Variants in MND1 observed in about 807,000 individuals in gnomAD.
MND1 encodes meiotic nuclear division protein 1 homolog.
Under a neutral mutation model 35.1 loss-of-function variants are expected in MND1, and 28 were observed. The ratio of observed to expected loss-of-function variants is 0.80; its 90% confidence interval spans 0.59 to 1.09. The LOEUF (loss-of-function observed/expected upper bound fraction) is 1.09. Ranked by LOEUF, MND1 falls within the 50% of genes least tolerant of loss-of-function variation. The pLI, the probability that MND1 is intolerant of heterozygous loss-of-function variation, is 0.00. For missense variants in MND1, 213 were observed against 239.6 expected, an observed-to-expected ratio of 0.89 and a Z score of 0.73; for synonymous variants, 69 against 70.5, an observed-to-expected ratio of 0.98 and a Z score of 0.11.
Position 153,358,621 on chromosome 4 carries a change from A to G in MND1, c.275A>G (p.Gln92Arg), listed in dbSNP as rs1442950829. The change falls in exon 4 of 8, where the codon CAG becomes CGG. Residue 92 changes from glutamine to arginine, a missense_variant and splice_region_variant. By Grantham distance (43) the Gln-to-Arg change is conservative (BLOSUM62 1). Coordinates refer to ENST00000240488, the MANE Select transcript of MND1 (RefSeq NM_032117.4). Reference sequence around the variant, plus strand: ...CATAAGTTGGAGGTTCTGGAATCTCAGGTAAGCTGCCACAGTTAAAAAGAA... The same window carrying G: ...CATAAGTTGGAGGTTCTGGAATCTCGGGTAAGCTGCCACAGTTAAAAAGAA... The part of the protein sequence containing the change: ...RKHKLEVLES[Q>R]LSEGSQKHAS... The G allele has an allele frequency of 6.2e-7, 1 of 1,611,520 alleles. No individual in the cohort carries two copies.
At chr4:153,353,443 A>G (rs1466572302) in intron 2 of MND1, among the ~76,000 whole-genome samples, 2 of 127,126 alleles carry the variant, frequency 1.6e-5, no homozygotes, top group Non-Finnish European at 3.3e-5. Context: ...ATATATATAT[A>G]TATATTCATC....
intron 6 of MND1, among the ~76,000 whole-genome samples, chr4:153,402,975 G>A (rs551451562): frequency 1.3e-5 from 2 of 152,124 alleles, no homozygotes; most frequent in African/African-American, 4.8e-5. Flanking sequence ...CTCCATCTAT[G>A]TAAAAAATTT....
At chr4:153,391,652 G>A (rs1343543495) in intron 4 of MND1, among the ~76,000 whole-genome samples, 3 of 151,508 alleles carry the variant, frequency 2.0e-5, no homozygotes, top group Non-Finnish European at 4.4e-5. Context: ...GCTCGAACCT[G>A]GGAGGCGGAG....
rs556825189 is a variant in MND1, at chr4:153,389,792, T to A, written c.277-4470T>A. Reference sequence around the variant, plus strand: ...GTATTTAGCAATAATTCATCTTTGCTTGTGAGCTAGATAATATTTTTCTGT... The same window carrying A: ...GTATTTAGCAATAATTCATCTTTGCATGTGAGCTAGATAATATTTTTCTGT... On this transcript the variant is annotated intron_variant, in intron 4 of 7. Transcript: ENST00000240488. Among the ~76,000 whole-genome samples the A allele has an allele frequency of 1.5e-4, 23 of 152,380 alleles. 1 individual carries two copies. Among genetic ancestry groups the A allele is most frequent in the African/African-American group, 5.5e-4 (23 of 41,600 alleles).
intron 4 of MND1, among the ~76,000 whole-genome samples, chr4:153,380,343 A>G (rs957901837): frequency 1.3e-5 from 2 of 152,134 alleles, no homozygotes; most frequent in Non-Finnish European, 2.9e-5. Flanking sequence ...TTTACATGCA[A>G]GTAGTTACTG....
chr4:153,380,305 T>C (rs1451044677), intron 4 of MND1, among the ~76,000 whole-genome samples: 5 of 152,190 alleles, frequency 3.3e-5, no homozygotes, highest in Non-Finnish European at 5.9e-5. Flanking sequence ...TAGATTTCTT[T>C]TTTTTTGGCA....
chr4:153,372,654 C>T (rs550134405), intron 4 of MND1, among the ~76,000 whole-genome samples: 15 of 152,270 alleles, frequency 9.9e-5, no homozygotes, highest in African/African-American at 3.6e-4. Context: ...ACTTGCTTTG[C>T]TTTCTGCCAC....
chr4:153,378,117 C>T (rs717044), intron 4 of MND1, among the ~76,000 whole-genome samples: 27,772 of 152,074 alleles, frequency 0.18, 2,666 homozygotes, highest in African/African-American at 0.24. Context: ...TGAGTGAATG[C>T]ATAAATCAAT....
At chr4:153,352,544 T>A (rs1773240943) in intron 2 of MND1, among the ~76,000 whole-genome samples, 1 of 152,070 alleles carries the variant, frequency 6.6e-6, no homozygotes, top group African/African-American at 2.4e-5. Context: ...TAAGATAATA[T>A]GATTAAACAA....
At chr4:153,344,766 G>C (rs1773029188) in intron 1 of MND1, 26 bp downstream of exon 1, 6 of 1,599,984 alleles carry the variant, frequency 3.8e-6, no homozygotes, top group Non-Finnish European at 3.4e-6. Flanking sequence ...ACGGTCCCGC[G>C]TCTTCTTCCT....
intron 2 of MND1, among the ~76,000 whole-genome samples, chr4:153,354,403 T>C (rs1005358193): frequency 1.3e-5 from 2 of 152,266 alleles, no homozygotes; most frequent in African/African-American, 4.8e-5. Context: ...AAGCACTGTC[T>C]GTGTTTTCTT....
At position 153,344,785 on chromosome 4, in the gene MND1, T is replaced by A. The variant is rs989306989; in HGVS notation, c.3+45T>A. 66 of 1,592,656 alleles carry A rather than the reference T, an allele frequency of 4.1e-5. No individual in the cohort carries two copies. The Middle Eastern group carries it at 1.2e-3, about 28-fold the overall frequency. On this transcript the variant is annotated intron_variant, in intron 1 of 7. Coordinates refer to ENST00000240488, the MANE Select transcript of MND1 (RefSeq NM_032117.4). Reference sequence around the variant, plus strand: ...TCCCGCGTCTTCTTCCTCCCTAGTGTGTGGGCTTCGCCGCCCCTCGGCTGC... The same window carrying A: ...TCCCGCGTCTTCTTCCTCCCTAGTGAGTGGGCTTCGCCGCCCCTCGGCTGC...
chr4:153,409,911 T>C (rs1438128982), intron 7 of MND1, among the ~76,000 whole-genome samples: 1 of 152,136 alleles, frequency 6.6e-6, no homozygotes, highest in African/African-American at 2.4e-5. Context: ...GATTTTTAGG[T>C]TAAAAATAAG....
At chr4:153,390,087 TATGGCGACTAGAA>T in intron 4 of MND1, among the ~76,000 whole-genome samples, 1 of 152,146 alleles carries the variant, frequency 6.6e-6, no homozygotes, top group Non-Finnish European at 1.5e-5. Context: ...ATAGTTTATA[TATGGCGACTAGAA>T]ATCTCAGCTT....
At chr4:153,381,692 ATTTTTTTTTTTTTTTTTTT>A (rs765943574) in intron 4 of MND1, 3 of 17,472 alleles carry the variant, frequency 1.7e-4, no homozygotes, top group African/African-American at 5.7e-4. Flanking sequence ...ATATATATAT[ATTTTTTTTTTTTTTTTTTT>A]TTTTTTTTTT....
intron 4 of MND1, among the ~76,000 whole-genome samples, chr4:153,368,775 G>A (rs540702315): frequency 2.2e-4 from 33 of 152,118 alleles, no homozygotes; most frequent in African/African-American, 7.9e-4. Flanking sequence ...GGCCGAATGT[G>A]TATTCTAAAT....
intron 2 of MND1, among the ~76,000 whole-genome samples, chr4:153,353,571 T>C (rs991794395): frequency 2.6e-5 from 4 of 151,420 alleles, no homozygotes; most frequent in Non-Finnish European, 4.4e-5. Flanking sequence ...TTTAATCTAG[T>C]TGGTATTTGT....
chr4:153,366,993 C>T (rs1340901654), intron 4 of MND1, among the ~76,000 whole-genome samples: 1 of 152,140 alleles, frequency 6.6e-6, no homozygotes, highest in Non-Finnish European at 1.5e-5. Flanking sequence ...AACAGGTAGC[C>T]TGTCTTTCCA....
chr4:153,392,715 T>C (rs2149652161), intron 4 of MND1, among the ~76,000 whole-genome samples: 1 of 152,314 alleles, frequency 6.6e-6, no homozygotes, highest in South Asian at 2.1e-4. Context: ...CACATGCCAA[T>C]CAACATTCAA....
Sources: allele counts gnomAD v4.1 joint callset (sites outside exome capture counted in the v4.1 genomes callset), GRCh38; gene constraint gnomAD v4.1.1; transcripts MANE v1.5; gene names NCBI Gene and HGNC (gene_info 2026-07-23, HGNC 2026-07-21).